Variants in TMEM200A observed in about 807,000 individuals in gnomAD.
TMEM200A encodes two transmembrane C.
Under a neutral mutation model 24.3 loss-of-function variants are expected in TMEM200A, and 12 were observed. That is an observed-to-expected ratio of 0.49 (90% CI 0.32 to 0.80). The LOEUF is 0.80. Ranked by LOEUF, TMEM200A falls within the 30% of genes least tolerant of loss-of-function variation. The probability of loss-of-function intolerance (pLI) is 0.04; values close to 1 mark genes in which losing one functional copy is unlikely to be tolerated. For missense variants in TMEM200A, 545 were observed against 614.4 expected (o/e 0.89, Z 1.19); for synonymous variants, 224 against 224.4 (o/e 1.00, Z 0.02).
At chr6:130,432,071 C>T (rs1001305115) in intron 2 of TMEM200A, among the ~76,000 whole-genome samples, 8 of 152,150 alleles carry the variant, frequency 5.3e-5, no homozygotes, top group Non-Finnish European at 1.0e-4. Context: ...AAAATCATAG[C>T]TTAAACTTGC....
At chr6:130,399,267 T>A (rs1779027269) in intron 2 of TMEM200A, among the ~76,000 whole-genome samples, 1 of 152,068 alleles carries the variant, frequency 6.6e-6, no homozygotes, top group African/African-American at 2.4e-5. Context: ...TTTAAAAAAA[T>A]TCTTCAGAAC....
At chr6:130,405,673 G>T (rs188006523) in intron 2 of TMEM200A, among the ~76,000 whole-genome samples, 2 of 152,278 alleles carry the variant, frequency 1.3e-5, no homozygotes, top group Admixed American at 1.3e-4. Context: ...GTGGGTTATT[G>T]TCATTACACA....
At chr6:130,432,867 G>A (rs1779910887) in intron 2 of TMEM200A, among the ~76,000 whole-genome samples, 1 of 152,164 alleles carries the variant, frequency 6.6e-6, no homozygotes, top group South Asian at 2.1e-4. Flanking sequence ...TACAAATGAA[G>A]GAACTGGGGC....
chr6:130,427,807 A>ATTC (rs1005111401), intron 2 of TMEM200A, among the ~76,000 whole-genome samples: 2 of 150,766 alleles, frequency 1.3e-5, no homozygotes, highest in Non-Finnish European at 3.0e-5. Context: ...TTCTTTGCTC[A>ATTC]TTCTTCTTTT....
Position 130,441,183 on chromosome 6 carries a change from T to C in TMEM200A, c.761T>C (p.Val254Ala), listed in dbSNP as rs770590249. 6.2e-7 allele frequency: 1 copy of C among 1,614,112 alleles called. No homozygotes were observed. Among genetic ancestry groups the C allele is most frequent in the Non-Finnish European group, 8.5e-7 (1 of 1,179,982 alleles). ...TTGCTCTCTGACAGCTCTGTGTCTG[T>C]CTTTGGCCTCTATCCACCTCCTTCC... Reference protein sequence around the residue: ...PPLLSDSSVSVFGLYPPPSKT... With the variant: ...PPLLSDSSVSAFGLYPPPSKT... Residue 254 changes from valine to alanine, a missense_variant, in exon 3 of 3, where the codon GTC (valine) becomes GCC (alanine). Physicochemically the swap from Val to Ala is moderately conservative, Grantham distance 64. Transcript: ENST00000296978.
chr6:130,425,856 A>G, intron 2 of TMEM200A, among the ~76,000 whole-genome samples: 1 of 152,218 alleles, frequency 6.6e-6, no homozygotes, highest in East Asian at 1.9e-4. Context: ...TTTTACATGA[A>G]AGTACAGCAA....
Position 130,441,739 on chromosome 6 carries a change from G to A in TMEM200A, c.1317G>A (p.Pro439=), listed in dbSNP as rs373318728. Residue 439 remains proline (P), a synonymous_variant, in exon 3 of 3, where the codon CCG becomes CCA. Coordinates refer to ENST00000296978, the MANE Select transcript of TMEM200A (RefSeq NM_001258277.2). Reference sequence around the variant, plus strand: ...TGAAACTAGAGAACAAAGAAGACCCGATGGATAGGTTGCTTGTGCCCCAAG... The same window carrying A: ...TGAAACTAGAGAACAAAGAAGACCCAATGGATAGGTTGCTTGTGCCCCAAG... ...GYMKLENKED[P]MDRLLVPQVA... is the part of the protein sequence containing the mutation. 26 of 1,613,928 alleles carry A rather than the reference G, an allele frequency of 1.6e-5. 1 individual carries two copies. Among genetic ancestry groups the A allele is most frequent in the East Asian group, 4.5e-5 (2 of 44,860 alleles).
At chr6:130,408,451 C>T (rs1035917609) in intron 2 of TMEM200A, among the ~76,000 whole-genome samples, 1 of 152,176 alleles carries the variant, frequency 6.6e-6, no homozygotes, top group African/African-American at 2.4e-5. Flanking sequence ...CTCTGGATGG[C>T]CCCAGAGGCC....
At chr6:130,424,468 A>ATAAT (rs1228100481) in intron 2 of TMEM200A, among the ~76,000 whole-genome samples, 11 of 152,156 alleles carry the variant, frequency 7.2e-5, no homozygotes, top group African/African-American at 2.6e-4. Flanking sequence ...CTCCAGATGA[A>ATAAT]TAATTTAAAA....
intron 2 of TMEM200A, among the ~76,000 whole-genome samples, chr6:130,420,592 G>C (rs1392770988): frequency 6.6e-6 from 1 of 152,082 alleles, no homozygotes; most frequent in Non-Finnish European, 1.5e-5. Context: ...ATGGACCTCC[G>C]GGAATATGTG....
At chr6:130,402,254 A>G (rs752329018) in intron 2 of TMEM200A, among the ~76,000 whole-genome samples, 19 of 152,090 alleles carry the variant, frequency 1.2e-4, no homozygotes, top group Non-Finnish European at 2.1e-4. Flanking sequence ...TGAAAACTTT[A>G]AAGTGAAACA....
At chr6:130,380,979 C>T (rs957758785) in intron 1 of TMEM200A, among the ~76,000 whole-genome samples, 1 of 151,942 alleles carries the variant, frequency 6.6e-6, no homozygotes, top group Non-Finnish European at 1.5e-5. Flanking sequence ...AGAGTGAGAC[C>T]CTGTCTCTAA....
At chr6:130,428,868 A>G (rs536173789) in intron 2 of TMEM200A, among the ~76,000 whole-genome samples, 1 of 152,346 alleles carries the variant, frequency 6.6e-6, no homozygotes, top group South Asian at 2.1e-4. Context: ...TACAAAATCA[A>G]TGCACAAAAA....
At chr6:130,396,284 T>C (rs1396501371) in intron 2 of TMEM200A, among the ~76,000 whole-genome samples, 1 of 151,934 alleles carries the variant, frequency 6.6e-6, no homozygotes, top group African/African-American at 2.4e-5. Flanking sequence ...TAGTTTTTTA[T>C]TTATGTATTT....
chr6:130,380,117 G>T (rs1249711847), intron 1 of TMEM200A, among the ~76,000 whole-genome samples: 1 of 152,226 alleles, frequency 6.6e-6, no homozygotes, highest in East Asian at 1.9e-4. Context: ...TCAAATTTTT[G>T]AGTGAAATGG....
At chr6:130,396,967 C>A (rs1029396988) in intron 2 of TMEM200A, among the ~76,000 whole-genome samples, 7 of 152,136 alleles carry the variant, frequency 4.6e-5, no homozygotes, top group Non-Finnish European at 1.0e-4. Flanking sequence ...TTTGTACTTA[C>A]AATTATTTAT....
intron 2 of TMEM200A, among the ~76,000 whole-genome samples, chr6:130,424,994 G>T (rs1462239914): frequency 6.6e-6 from 1 of 151,868 alleles, no homozygotes; most frequent in Non-Finnish European, 1.5e-5. Flanking sequence ...AACCTCTCTT[G>T]CTCTCTCCCT....
chr6:130,391,891 C>T (rs896461548), intron 2 of TMEM200A, among the ~76,000 whole-genome samples: 2 of 151,838 alleles, frequency 1.3e-5, no homozygotes, highest in South Asian at 2.1e-4. Flanking sequence ...AACGGGTGCC[C>T]GCCACCATGC....
intron 2 of TMEM200A, among the ~76,000 whole-genome samples, chr6:130,407,447 C>T (rs1480733367): frequency 6.6e-6 from 1 of 152,190 alleles, no homozygotes; most frequent in East Asian, 1.9e-4. Flanking sequence ...TCTGCATTTA[C>T]AGACTTTAGC....
Sources: allele counts gnomAD v4.1 joint callset (sites outside exome capture counted in the v4.1 genomes callset), GRCh38; gene constraint gnomAD v4.1.1; transcripts MANE v1.5; gene names NCBI Gene and HGNC (gene_info 2026-07-23, HGNC 2026-07-21).